Variants in JARID2 observed in about 807,000 individuals in gnomAD.
JARID2 encodes the protein jumonji and AT-rich interaction domain containing 2, also known as protein Jumonji.
In JARID2, 21 loss-of-function variants were observed where a neutral mutation model predicts 125.6. The observed-to-expected ratio is 0.17, with a 90% CI of 0.12 to 0.24. The LOEUF (loss-of-function observed/expected upper bound fraction) is 0.24. JARID2 is among the 10% of genes least tolerant of loss of function. JARID2 has a pLI of 1.00. For synonymous variants in JARID2, 736 were observed against 661.6 expected, an observed-to-expected ratio of 1.11 and a Z score of -1.73; for missense variants, 1,303 against 1,639.6, an observed-to-expected ratio of 0.79 and a Z score of 3.55.
chr6:15,346,384 G>T (rs1184229777), intron 1 of JARID2, among the ~76,000 whole-genome samples: 1 of 152,152 alleles, frequency 6.6e-6, no homozygotes, highest in Non-Finnish European at 1.5e-5. Context: ...ATATATAGTG[G>T]AAGTAATTAA....
intron 1 of JARID2, among the ~76,000 whole-genome samples, chr6:15,316,272 T>G (rs1395317977): frequency 6.6e-6 from 1 of 151,860 alleles, no homozygotes; most frequent in Non-Finnish European, 1.5e-5. Context: ...GGCACACGTA[T>G]TTTTAGTAGA....
At chr6:15,458,149 A>G (rs1768274386) in intron 4 of JARID2, among the ~76,000 whole-genome samples, 1 of 152,136 alleles carries the variant, frequency 6.6e-6, no homozygotes, top group South Asian at 2.1e-4. Context: ...ATTCCCTGTC[A>G]CCACTCTGGT....
intron 5 of JARID2, among the ~76,000 whole-genome samples, chr6:15,478,955 G>A (rs1377503342): frequency 2.6e-5 from 4 of 152,164 alleles, no homozygotes; most frequent in Non-Finnish European, 4.4e-5. Flanking sequence ...GTGAGCCACC[G>A]TGCCCGGCCG....
intron 1 of JARID2, among the ~76,000 whole-genome samples, chr6:15,307,160 T>C (rs1464569892): frequency 6.6e-6 from 1 of 151,896 alleles, no homozygotes. Flanking sequence ...GAGAATCGCC[T>C]GAACCCCGGA....
At chr6:15,291,389 G>T (rs185842826) in intron 1 of JARID2, among the ~76,000 whole-genome samples, 1 of 152,136 alleles carries the variant, frequency 6.6e-6, no homozygotes, top group Non-Finnish European at 1.5e-5. Flanking sequence ...TTCACACATG[G>T]TATAGCTTGC....
At chr6:15,312,967 A>T (rs1057462731) in intron 1 of JARID2, among the ~76,000 whole-genome samples, 1 of 152,104 alleles carries the variant, frequency 6.6e-6, no homozygotes, top group African/African-American at 2.4e-5. Context: ...TCCGACGAAA[A>T]CACTGGCGTT....
At chr6:15,304,184 G>GCTCAGGAGC (rs1761728229) in intron 1 of JARID2, among the ~76,000 whole-genome samples, 3 of 151,934 alleles carry the variant, frequency 2.0e-5, no homozygotes, top group Admixed American at 1.3e-4. Context: ...AGGGCGCAGG[G>GCTCAGGAGC]CTCAGGAGCC....
intron 1 of JARID2, among the ~76,000 whole-genome samples, chr6:15,251,193 T>G (rs564586528): frequency 6.6e-4 from 100 of 152,272 alleles, no homozygotes; most frequent in African/African-American, 2.4e-3. Context: ...TGTATTTTAG[T>G]AGAGATGGAG....
At chr6:15,486,805 A>ATTTTTTTTTTTTTTTTTT (rs766075740) in intron 5 of JARID2, among the ~76,000 whole-genome samples, 1 of 40,638 alleles carries the variant, frequency 2.5e-5, no homozygotes, top group African/African-American at 1.9e-4. Flanking sequence ...CTGAGAATAG[A>ATTTTTTTTTTTTTTTTTT]CTTTTTTTTT....
At chr6:15,310,815 G>A (rs1761985347) in intron 1 of JARID2, among the ~76,000 whole-genome samples, 1 of 152,202 alleles carries the variant, frequency 6.6e-6, no homozygotes, top group South Asian at 2.1e-4. Context: ...ACTCCTGCCA[G>A]GATGACTTGT....
chr6:15,456,289 G>A (rs1025154267), intron 4 of JARID2, among the ~76,000 whole-genome samples: 1 of 152,132 alleles, frequency 6.6e-6, no homozygotes, highest in African/African-American at 2.4e-5. Context: ...GTAAGTACCT[G>A]GCTTTGAAGT....
At chr6:15,407,380 TGA>T (rs1765693436) in intron 2 of JARID2, among the ~76,000 whole-genome samples, 1 of 152,204 alleles carries the variant, frequency 6.6e-6, no homozygotes, top group South Asian at 2.1e-4. Context: ...TGCTCAAGTT[TGA>T]GAGTCACTTC....
chr6:15,331,693 C>A (rs1403015254), intron 1 of JARID2, among the ~76,000 whole-genome samples: 1 of 151,978 alleles, frequency 6.6e-6, no homozygotes. Context: ...TGGAGAAACC[C>A]CGACTCTACA....
At chr6:15,400,727 C>T in intron 2 of JARID2, 2 of 867,370 alleles carry the variant, frequency 2.3e-6, no homozygotes, top group Non-Finnish European at 2.8e-6. Flanking sequence ...GATTCCCTCC[C>T]TTGCACATAA....
At chr6:15,254,563 TG>T (rs1302894480) in intron 1 of JARID2, among the ~76,000 whole-genome samples, 1 of 152,134 alleles carries the variant, frequency 6.6e-6, no homozygotes, top group African/African-American at 2.4e-5. Flanking sequence ...GGAACCCTAC[TG>T]GTAGAAGTTT....
At chr6:15,285,106 GTTTTTT>G (rs199945772) in intron 1 of JARID2, among the ~76,000 whole-genome samples, 10 of 119,456 alleles carry the variant, frequency 8.4e-5, no homozygotes, top group African/African-American at 2.6e-4. Flanking sequence ...GTCTTTCTGG[GTTTTTT>G]TTTTTTTTTT....
intron 2 of JARID2, among the ~76,000 whole-genome samples, chr6:15,407,350 TGGG>T (rs34216874): frequency 6.6e-6 from 1 of 152,104 alleles, no homozygotes. Context: ...GGGGGACACT[TGGG>T]GGGTGATTCG....
intron 1 of JARID2, among the ~76,000 whole-genome samples, chr6:15,341,634 C>G (rs1763073872): frequency 1.3e-5 from 2 of 152,186 alleles, no homozygotes; most frequent in African/African-American, 4.8e-5. Flanking sequence ...ATACTGTACT[C>G]TAGCAGTGAC....
rs200935669 is a variant in JARID2, at chr6:15,501,422, G to T, written c.2448+13G>T. The T allele has an allele frequency of 6.6e-7, 1 of 1,519,688 alleles. No individual in the cohort carries two copies. The highest frequency in any genetic ancestry group is 8.8e-7 in the Non-Finnish European group (1 of 1,136,970). The allele number at this position is 1,519,688 out of a possible 1,614,324, so 94.1% of individuals were successfully genotyped here. On this transcript the variant is annotated intron_variant, in intron 8 of 17. Transcript: ENST00000341776. ...GTGCATCTATAAGGTAGGGGCCTCCGCAGAGCAGCCACTCCCAGCTGCAGG... is the reference window on the plus strand; with the variant it reads ...GTGCATCTATAAGGTAGGGGCCTCCTCAGAGCAGCCACTCCCAGCTGCAGG...
Sources: allele counts gnomAD v4.1 joint callset (sites outside exome capture counted in the v4.1 genomes callset), GRCh38; gene constraint gnomAD v4.1.1; transcripts MANE v1.5; gene names NCBI Gene and HGNC (gene_info 2026-07-23, HGNC 2026-07-21).